Variants in THOC2 observed in about 807,000 individuals in gnomAD.
The protein encoded by THOC2 is THO complex 2.
A neutral mutation model predicts 128.4 loss-of-function variants in THOC2; 10 were observed. That is an observed-to-expected ratio of 0.08 (90% CI 0.05 to 0.13). THOC2 has a LOEUF of 0.13. Ranked by LOEUF, THOC2 falls within the 10% of genes least tolerant of loss-of-function variation. THOC2 has a pLI of 1.00. For synonymous variants in THOC2, 393 were observed against 396.9 expected (o/e 0.99, Z 0.12); for missense variants, 535 against 1,155.7 (o/e 0.46, Z 7.79).
At chrX:123,717,448 AAT>A (rs2051474978) in intron 1 of THOC2, among the ~76,000 whole-genome samples, 1 of 111,214 alleles carries the variant, frequency 9.0e-6, no homozygotes, top group Admixed American at 9.6e-5. Flanking sequence ...ACAAAAATAA[AAT>A]ACTTAGTAAT....
At chrX:123,726,164 G>C (rs987265987) in intron 1 of THOC2, among the ~76,000 whole-genome samples, 1 of 110,207 alleles carries the variant, frequency 9.1e-6, no homozygotes, top group Non-Finnish European at 1.9e-5. Context: ...GGTCGAGATC[G>C]CACCACTGCA....
chrX:123,721,713 G>A (rs1287627482), intron 1 of THOC2, among the ~76,000 whole-genome samples: 1 of 107,214 alleles, frequency 9.3e-6, no homozygotes, highest in African/African-American at 3.4e-5. Flanking sequence ...TTGGACTCAG[G>A]AGGCAGAGGT....
chrX:123,715,515 C>T (rs1386171545), intron 1 of THOC2, among the ~76,000 whole-genome samples: 1 of 110,197 alleles, frequency 9.1e-6, no homozygotes. Flanking sequence ...GGTGCGGTGG[C>T]TCACGCTTGT....
intron 8 of THOC2, among the ~76,000 whole-genome samples, chrX:123,680,818 T>A (rs779539473): frequency 2.8e-4 from 31 of 111,851 alleles, no homozygotes; most frequent in Non-Finnish European, 5.4e-4. Context: ...AGTCCTTAAC[T>A]CTACTTTCTC....
chrX:123,716,409 A>G (rs1261513006), intron 1 of THOC2, among the ~76,000 whole-genome samples: 4 of 110,420 alleles, frequency 3.6e-5, no homozygotes, highest in African/African-American at 9.9e-5. Flanking sequence ...GTGAAACCCC[A>G]TCTCTACTAA....
chrX:123,691,355 G>A (rs2050215348), intron 7 of THOC2, among the ~76,000 whole-genome samples: 1 of 111,713 alleles, frequency 9.0e-6, no homozygotes, highest in African/African-American at 3.2e-5. Flanking sequence ...AAGTAAATAA[G>A]GCAGCCAACT....
At chrX:123,692,544 C>G (rs2050268544) in intron 7 of THOC2, among the ~76,000 whole-genome samples, 2 of 98,040 alleles carry the variant, frequency 2.0e-5, no homozygotes, top group African/African-American at 7.8e-5. Flanking sequence ...CTCTGTCACC[C>G]AGGCTGGAGT....
chrX:123,704,501 C>T (rs1366974370), intron 3 of THOC2, among the ~76,000 whole-genome samples: 3 of 111,618 alleles, frequency 2.7e-5, no homozygotes, highest in Non-Finnish European at 5.6e-5. Context: ...CCTCCCTCCC[C>T]GCTTTTTTGG....
chrX:123,649,081 G>A (rs776803142), intron 12 of THOC2, among the ~76,000 whole-genome samples: 1 of 112,024 alleles, frequency 8.9e-6, no homozygotes, highest in Admixed American at 9.5e-5. Flanking sequence ...GCTGGCATCT[G>A]GCGGGTGCCC....
At chrX:123,665,962 T>C in intron 11 of THOC2, 125 bp from the exon 12 acceptor site, 1 of 351,741 alleles carries the variant, frequency 2.8e-6, no homozygotes, top group Non-Finnish European at 4.4e-6. Context: ...AAATTTTTTC[T>C]TGCTCATATT....
At chrX:123,722,697 G>C (rs1243186608) in intron 1 of THOC2, among the ~76,000 whole-genome samples, 1 of 110,036 alleles carries the variant, frequency 9.1e-6, no homozygotes, top group African/African-American at 3.3e-5. Flanking sequence ...TAACAAACCT[G>C]CACATTCTGC....
chrX:123,669,565 C>T (rs1466569231), intron 9 of THOC2, among the ~76,000 whole-genome samples: 1 of 111,405 alleles, frequency 9.0e-6, no homozygotes, highest in Non-Finnish European at 1.9e-5. Context: ...ATCTGCCCGC[C>T]TTGGCCTCCC....
Position 123,706,881 on chromosome X carries a change from A to G in THOC2, c.199T>C (p.Ser67Pro). Reference protein sequence around the residue: ...IKGNLKHEQASNVLSDISEFR... With the variant: ...IKGNLKHEQAPNVLSDISEFR... ...ACACTAATGTCACTAAGAACATTAG[A>G]TGCCTGTTCATGCTTTAGATTTCCT... is the stretch of plus-strand genomic sequence containing the variant. Residue 67 changes from serine (S) to proline (P), a missense_variant, in exon 3 of 39, where the codon TCT becomes CCT. Around this residue, in one of 9 missense-constraint regions of THOC2, gnomAD observed 61 missense variants for 84.3 expected, o/e 0.72. Coordinates refer to ENST00000245838, the MANE Select transcript of THOC2 (RefSeq NM_001081550.2). 8.7e-7 allele frequency: 1 copy of G among 1,144,272 alleles called. No individual in the cohort carries two copies. Among genetic ancestry groups the G allele is most frequent in the Non-Finnish European group, 1.2e-6 (1 of 851,045 alleles). 94.3% of individuals were successfully genotyped at this position (1,144,272 alleles called of 1,213,427 possible).
intron 12 of THOC2, among the ~76,000 whole-genome samples, chrX:123,663,819 G>C (rs1281183146): frequency 9.1e-6 from 1 of 110,431 alleles, no homozygotes; most frequent in African/African-American, 3.3e-5. Context: ...CCCTTCCTGT[G>C]TCCAAGTGTT....
chrX:123,613,288 A>G (rs1005740784), intron 36 of THOC2, 111 bp downstream of exon 36: 53 of 807,743 alleles, frequency 6.6e-5, no homozygotes, highest in Non-Finnish European at 9.2e-5. Flanking sequence ...TCCCACTCCT[A>G]AATAATGAAC....
At chrX:123,694,388 G>A (rs1164602114) in intron 7 of THOC2, among the ~76,000 whole-genome samples, 1 of 109,738 alleles carries the variant, frequency 9.1e-6, no homozygotes, top group African/African-American at 3.3e-5. Flanking sequence ...GCCAAGGCGG[G>A]CGGATCACCT....
At chrX:123,606,854 A>G (rs771200602) in intron 38 of THOC2, among the ~76,000 whole-genome samples, 2 of 111,491 alleles carry the variant, frequency 1.8e-5, no homozygotes, top group Admixed American at 9.5e-5. Context: ...TCAAAGTCCT[A>G]CATCCAAAAT....
At chrX:123,670,908 A>G in intron 9 of THOC2, among the ~76,000 whole-genome samples, 1 of 112,321 alleles carries the variant, frequency 8.9e-6, no homozygotes, top group Non-Finnish European at 1.9e-5. Context: ...CTGTAGCCAC[A>G]GTATACAAAA....
intron 1 of THOC2, among the ~76,000 whole-genome samples, chrX:123,718,539 A>C (rs2051530331): frequency 9.0e-6 from 1 of 111,494 alleles, no homozygotes; most frequent in Non-Finnish European, 1.9e-5. Flanking sequence ...GCAGGCAGAT[A>C]ATCTGAGGTC....
Sources: gnomAD v4.1 joint callset for allele counts (sites outside exome capture counted in the v4.1 genomes callset) on GRCh38, gnomAD v4.1.1 for gene constraint, gnomAD v4.1.1 regional missense constraint, MANE v1.5 for transcripts, NCBI Gene and HGNC (gene_info 2026-07-23, HGNC 2026-07-21) for gene names.